The following CFHR3 variants were observed in gnomAD, a reference collection of about 807,000 sequenced individuals.
CFHR3 encodes the protein complement factor H-related protein 3.
CFHR3 carries 22 observed loss-of-function variants against 36.0 expected under a neutral mutation model. The ratio of observed to expected loss-of-function variants is 0.61; its 90% CI spans 0.44 to 0.87. The LOEUF is 0.87. Ranked by LOEUF, CFHR3 falls within the 40% of genes least tolerant of loss-of-function variation. The probability of loss-of-function intolerance (pLI) is 0.00; values close to 1 mark genes in which losing one functional copy is unlikely to be tolerated. For missense variants in CFHR3, 276 were observed against 401.3 expected, an observed-to-expected ratio of 0.69 and a Z score of 2.67; for synonymous variants, 97 against 137.4, an observed-to-expected ratio of 0.71 and a Z score of 2.06.
In CFHR3 at chr1:196,791,794, T is replaced by A. The variant is rs1654436880; in HGVS notation, c.797-1523T>A. 1.5e-5 allele frequency among the ~76,000 whole-genome samples: 2 copies of A among 135,564 alleles called. 1 individual carries two copies. 88.9% of individuals were successfully genotyped at this position (135,564 alleles called of 152,430 possible). A position where few individuals can be genotyped will look rare whatever the true frequency, so the allele number is the denominator to read the frequency against. The stretch of plus-strand genomic sequence containing the variant: ...TGATTTCATAGAAAAGTGTTAGGTT[T>A]CAGAGATAAATTCTGAGTCTTAAAT... On this transcript the variant is annotated intron_variant, in intron 5 of 5. Transcript: ENST00000367425.
intron 3 of CFHR3, among the ~76,000 whole-genome samples, chr1:196,783,484 T>C (rs1178027146): frequency 7.6e-6 from 1 of 131,812 alleles, no homozygotes; most frequent in African/African-American, 3.3e-5. Context: ...TTTCAGAGCC[T>C]GTTATTGGTC....
intron 5 of CFHR3, among the ~76,000 whole-genome samples, chr1:196,791,931 A>T (rs1573127675): frequency 7.4e-6 from 1 of 135,804 alleles, no homozygotes; most frequent in Non-Finnish European, 1.6e-5. Flanking sequence ...ATATAAGATC[A>T]GTTCTATGAT....
At position 196,775,686 on chromosome 1, in the gene CFHR3, C is replaced by T. The variant is rs1184709445; in HGVS notation, c.58+742C>T. Among the ~76,000 whole-genome samples, 2 of 136,526 alleles carry T rather than the reference C, an allele frequency of 1.5e-5. 1 individual carries two copies. The highest frequency in any genetic ancestry group is 6.1e-5 in the African/African-American group (2 of 32,742). The allele number at this position is 136,526 out of a possible 152,430, so 89.6% of individuals were successfully genotyped here. A position where few individuals can be genotyped will look rare whatever the true frequency, so the allele number is the denominator to read the frequency against. On this transcript the variant is annotated intron_variant, in intron 1 of 5. Coordinates refer to ENST00000367425, the MANE Select transcript of CFHR3 (RefSeq NM_021023.6). ...ATTAATTATCTTTTTGAATGCAGGC[C>T]TTGCATATTAAAGAACTATATGGTA... is the stretch of plus-strand genomic sequence containing the variant.
chr1:196,793,074 G>A (rs1348720515), intron 5 of CFHR3, among the ~76,000 whole-genome samples: 1 of 135,176 alleles, frequency 7.4e-6, no homozygotes, highest in African/African-American at 3.1e-5. Context: ...AGGCTCTAGA[G>A]AAAGACTGCC....
chr1:196,793,471 A>G lies in CFHR3; in HGVS notation c.951A>G (p.Ala317=), dbSNP rs2124867086. The change falls in exon 6 of 6, where the codon GCA becomes GCG. Residue 317 remains alanine, a synonymous_variant. Transcript: ENST00000367425. The part of the protein sequence containing the change: ...NANTSILSFQ[A]VCREGIVEYP... ...ATACATCAATTCTATCATTTCAAGC[A>G]GTGTGTCGGGAAGGGATAGTGGAAT... is the stretch of plus-strand genomic sequence containing the variant. 6.5e-7 allele frequency: 1 copy of G among 1,526,932 alleles called. No homozygotes were observed. The highest frequency in any genetic ancestry group is 2.2e-5 in the East Asian group (1 of 44,528). 94.6% of individuals were successfully genotyped at this position (1,526,932 alleles called of 1,614,324 possible).
rs750891330 is a variant in CFHR3 at position 196,779,928 on chromosome 1, T to C, written c.385T>C (p.Cys129Arg). 4 of 1,533,234 alleles carry C rather than the reference T, an allele frequency of 2.6e-6. No homozygotes were observed. Among genetic ancestry groups the C allele is most frequent in the South Asian group, 1.2e-5 (1 of 80,660 alleles). 95.0% of individuals were successfully genotyped at this position (1,533,234 alleles called of 1,614,324 possible). The change falls in exon 3 of 6, where the codon TGT becomes CGT. Residue 129 changes from cysteine to arginine, a missense_variant. Around this residue, in one of 3 missense-constraint regions of CFHR3, gnomAD observed 178 missense variants for 247.2 expected, o/e 0.72. Transcript: ENST00000367425. ...TCCAAAAGCGCAGACCACAGTTACA[T>C]GTACGGAGAAAGGCTGGTCTCCTAC... ...GLPKAQTTVT[C>R]TEKGWSPTPR...
rs1411592141 is a variant in CFHR3 at position 196,777,376 on chromosome 1, G to T, written c.59-1786G>T. Among the ~76,000 whole-genome samples the T allele has an allele frequency of 7.3e-5, 10 of 136,572 alleles. 2 individuals are homozygous for T. The South Asian group carries it at 2.5e-3, about 35-fold the overall frequency. The allele number at this position is 136,572 out of a possible 152,430, so 89.6% of individuals were successfully genotyped here. A position where few individuals can be genotyped will look rare whatever the true frequency, so the allele number is the denominator to read the frequency against. On this transcript the variant is annotated intron_variant, in intron 1 of 5. Transcript: ENST00000367425. The stretch of plus-strand genomic sequence containing the variant: ...GTGACAATTAGTAATGTAGAGTAGG[G>T]TTGCCTCTAAATTCCTTTTAAACTG...
intron 4 of CFHR3, 80 bp from the exon 5 acceptor site, chr1:196,789,965 A>G: frequency 1.7e-6 from 2 of 1,178,090 alleles, no homozygotes; most frequent in East Asian, 3.1e-5. Context: ...GATACAGTTA[A>G]GAGTATATAA....
In CFHR3 at chr1:196,786,212, A is replaced by G. The variant is rs1654192060; in HGVS notation, c.431-2004A>G. Among the ~76,000 whole-genome samples the G allele has an allele frequency of 1.5e-5, 2 of 135,620 alleles. 1 individual carries two copies. The highest frequency in any genetic ancestry group is 3.1e-5 in the Non-Finnish European group (2 of 64,210). 89.0% of individuals were successfully genotyped at this position (135,620 alleles called of 152,430 possible). ...CCGTGTGAGGTGTCAGTCTGCCCCT[A>G]CTGGGTGGTGCCTCCCAGTTAGGCT... On this transcript the variant is annotated intron_variant, in intron 3 of 5. Transcript: ENST00000367425.
At chr1:196,776,605 A>T (rs1294351498) in intron 1 of CFHR3, among the ~76,000 whole-genome samples, 1 of 136,378 alleles carries the variant, frequency 7.3e-6, no homozygotes, top group Non-Finnish European at 1.6e-5. Flanking sequence ...CACGCAAGGC[A>T]TAGAGAGAAA....
rs145280059 is a variant in CFHR3 at position 196,793,478 on chromosome 1, C to T, written c.958C>T (p.Arg320Trp). 7.9e-6 allele frequency: 12 copies of T among 1,525,986 alleles called. 2 individuals are homozygous for T. The highest frequency in any genetic ancestry group is 4.5e-5 in the East Asian group (2 of 44,520). The allele number at this position is 1,525,986 out of a possible 1,614,324, so 94.5% of individuals were successfully genotyped here. A position where few individuals can be genotyped will look rare whatever the true frequency, so the allele number is the denominator to read the frequency against. ...AATTCTATCATTTCAAGCAGTGTGT[C>T]GGGAAGGGATAGTGGAATACCCCAG... ...TSILSFQAVC[R>W]EGIVEYPRCE is the part of the protein sequence containing the mutation. Residue 320 changes from arginine (R) to tryptophan (W), a missense_variant, in exon 6 of 6, where the codon CGG becomes TGG. Physicochemically the swap from Arg to Trp is moderately radical, Grantham distance 101. Around this residue, in one of 3 missense-constraint regions of CFHR3, gnomAD observed 76 missense variants for 79.8 expected, o/e 0.95. Transcript: ENST00000367425.
chr1:196,794,468 T>C lies in CFHR3; in HGVS notation c.*955T>C. On this transcript the variant is annotated 3_prime_UTR_variant, in exon 6 of 6. Coordinates refer to ENST00000367425, the MANE Select transcript of CFHR3 (RefSeq NM_021023.6). Reference sequence around the variant, plus strand: ...ATAGAGTGAGACTCTGTCTTAAAAATAAATAAATAGGATGCTGAAAATTCC... The same window carrying C: ...ATAGAGTGAGACTCTGTCTTAAAAACAAATAAATAGGATGCTGAAAATTCC... 1 of 373,780 alleles carries C rather than the reference T, an allele frequency of 2.7e-6. No homozygotes were observed. Among genetic ancestry groups the C allele is most frequent in the Non-Finnish European group, 5.2e-6 (1 of 193,070 alleles). 23.2% of individuals were successfully genotyped at this position (373,780 alleles called of 1,614,324 possible).
chr1:196,780,033 A>T, intron 3 of CFHR3, 60 bp downstream of exon 3: 2 of 1,517,308 alleles, frequency 1.3e-6, no homozygotes, highest in Non-Finnish European at 1.8e-6. Context: ...CACGGACGAC[A>T]GTCTCAGACT....
intron 5 of CFHR3, among the ~76,000 whole-genome samples, chr1:196,791,496 C>G (rs1464436072): frequency 1.7e-5 from 2 of 116,238 alleles, no homozygotes; most frequent in Admixed American, 1.6e-4. Context: ...GCTCAAGTTC[C>G]TAAGTACAGG....
chr1:196,786,586 G>A (rs961461984), intron 3 of CFHR3, among the ~76,000 whole-genome samples: 2 of 136,044 alleles, frequency 1.5e-5, no homozygotes, highest in South Asian at 2.6e-4. Flanking sequence ...GAGAGACTCC[G>A]TGGGCATAGG....
rs767105259 is a variant in CFHR3 at position 196,793,464 on chromosome 1, T to G, written c.944T>G (p.Phe315Cys). ...GYNANTSILS[F>C]QAVCREGIVE... The stretch of plus-strand genomic sequence containing the variant: ...AATGCAAATACATCAATTCTATCAT[T>G]TCAAGCAGTGTGTCGGGAAGGGATA... The change falls in exon 6 of 6, where the codon TTT becomes TGT. Residue 315 changes from phenylalanine (F) to cysteine (C), a missense_variant. Around this residue, in one of 3 missense-constraint regions of CFHR3, gnomAD observed 76 missense variants for 79.8 expected, o/e 0.95. Coordinates refer to ENST00000367425, the MANE Select transcript of CFHR3 (RefSeq NM_021023.6). 10 of 1,527,016 alleles carry G rather than the reference T, an allele frequency of 6.5e-6. 2 individuals carry two copies. The highest frequency in any genetic ancestry group is 8.9e-6 in the Non-Finnish European group (10 of 1,129,392). The allele number at this position is 1,527,016 out of a possible 1,614,324, so 94.6% of individuals were successfully genotyped here.
rs759307189 is a variant in CFHR3 at position 196,777,533 on chromosome 1, A to C, written c.59-1629A>C. ...ACGTGTCCCCATTACACTTTGGCAT[A>C]ACAAAAGGTCCCAGGATTTCCTTGA... On this transcript the variant is annotated intron_variant, in intron 1 of 5. Coordinates refer to ENST00000367425, the MANE Select transcript of CFHR3 (RefSeq NM_021023.6). Among the ~76,000 whole-genome samples the C allele has an allele frequency of 5.1e-5, 7 of 136,624 alleles. 1 individual carries two copies. Among genetic ancestry groups the C allele is most frequent in the Non-Finnish European group, 7.7e-5 (5 of 64,522 alleles). The allele number at this position is 136,624 out of a possible 152,430, so 89.6% of individuals were successfully genotyped here.
At chr1:196,786,537 G>A (rs111745504) in intron 3 of CFHR3, among the ~76,000 whole-genome samples, 2,799 of 135,582 alleles carry the variant, frequency 0.021, 647 homozygotes, top group African/African-American at 0.068. Flanking sequence ...CCTCGCTGCC[G>A]CCTTGCAGTT....
chr1:196,774,995 A>T (rs748053395), intron 1 of CFHR3, 51 bp downstream of exon 1: 1 of 1,350,226 alleles, frequency 7.4e-7, no homozygotes, highest in Non-Finnish European at 1.0e-6. Context: ...ATGTAACTTC[A>T]TGTAATATCT....
Sources: gnomAD v4.1 joint callset for allele counts (sites outside exome capture counted in the v4.1 genomes callset) on GRCh38, gnomAD v4.1.1 for gene constraint, gnomAD v4.1.1 regional missense constraint, MANE v1.5 for transcripts, NCBI Gene and HGNC (gene_info 2026-07-23, HGNC 2026-07-21) for gene names.